Variants in SOAT1 observed in about 807,000 individuals in gnomAD.
The protein encoded by SOAT1 is sterol O-acyltransferase 1.
SOAT1 carries 55 observed loss-of-function variants against 69.5 expected under a neutral mutation model. That is an observed-to-expected ratio of 0.79 (90% CI 0.64 to 0.99). The LOEUF (loss-of-function observed/expected upper bound fraction) is 0.99, where lower values mean the gene tolerates loss of function less well. SOAT1 is among the 50% of genes least tolerant of loss of function. The probability of loss-of-function intolerance (pLI) is 0.00; values close to 1 mark genes in which losing one functional copy is unlikely to be tolerated. For synonymous variants in SOAT1, 231 were observed against 224.7 expected (o/e 1.03, Z -0.25); for missense variants, 580 against 669.3 (o/e 0.87, Z 1.47).
chr1:179,320,890 C>T lies in SOAT1; in HGVS notation c.119-2547C>T, dbSNP rs188796640. Among the ~76,000 whole-genome samples the T allele has an allele frequency of 4.7e-3, 715 of 151,914 alleles. 6 individuals carry two copies. Among genetic ancestry groups the T allele is most frequent in the African/African-American group, 0.016 (673 of 41,448 alleles). ...CAGGGACTACAGGCGCACGCCACCACGGCCTGTCAAATTTTTGTATTTTTT... is the reference window on the plus strand; with the variant it reads ...CAGGGACTACAGGCGCACGCCACCATGGCCTGTCAAATTTTTGTATTTTTT... On this transcript the variant is annotated intron_variant, in intron 2 of 15. Coordinates refer to ENST00000367619, the MANE Select transcript of SOAT1 (RefSeq NM_003101.6).
In SOAT1 at chr1:179,325,431, C is replaced by T. The variant is rs537616574; in HGVS notation, c.177+1936C>T. On this transcript the variant is annotated intron_variant, in intron 3 of 15. Transcript: ENST00000367619. ...CCTCCCAAAGTTCTGGGATTACAGG[C>T]GTGAGCTACCACGCTCGGCCTAAAA... is the stretch of plus-strand genomic sequence containing the variant. 9.2e-5 allele frequency among the ~76,000 whole-genome samples: 14 copies of T among 152,228 alleles called. No individual in the cohort carries two copies. The Middle Eastern group carries it at 0.01, about 111-fold the overall frequency.
intron 2 of SOAT1, among the ~76,000 whole-genome samples, chr1:179,303,146 T>G (rs183863293): frequency 6.6e-6 from 1 of 152,274 alleles, no homozygotes; most frequent in East Asian, 1.9e-4. Context: ...ACCTCCAAAA[T>G]CATACACATA....
intron 11 of SOAT1, among the ~76,000 whole-genome samples, chr1:179,347,376 C>T (rs578198230): frequency 9.2e-6 from 1 of 108,590 alleles, no homozygotes; most frequent in African/African-American, 3.5e-5. Context: ...AAAAAAAAAA[C>T]CAGACTGGGT....
intron 1 of SOAT1, among the ~76,000 whole-genome samples, chr1:179,300,203 A>G (rs1309798758): frequency 6.6e-6 from 1 of 151,316 alleles, no homozygotes; most frequent in African/African-American, 2.4e-5. Flanking sequence ...TATTCCTTGT[A>G]AAATTCCTCT....
chr1:179,323,558 C>T, intron 3 of SOAT1, 63 bp downstream of exon 3: 1 of 1,317,736 alleles, frequency 7.6e-7, no homozygotes, highest in Non-Finnish European at 1.1e-6. Flanking sequence ...TGTTTGGTAA[C>T]ATTTTTAATG....
rs201110357 is a variant in SOAT1, at chr1:179,353,059, T to A, written c.1597-526T>A. Among the ~76,000 whole-genome samples, 18 of 146,088 alleles carry A rather than the reference T, an allele frequency of 1.2e-4. No individual in the cohort carries two copies. The East Asian group carries it at 3.0e-3, about 24-fold the overall frequency. ...ATTTTAAACCTTGTATTAGTCATTT[T>A]TATATATATGTCATTTATGTATATA... On this transcript the variant is annotated intron_variant, in intron 15 of 15. Coordinates refer to ENST00000367619, the MANE Select transcript of SOAT1 (RefSeq NM_003101.6).
chr1:179,340,231 G>A lies in SOAT1; in HGVS notation c.497+686G>A, dbSNP rs571438190. 1.2e-4 allele frequency among the ~76,000 whole-genome samples: 19 copies of A among 152,252 alleles called. No homozygotes were observed. In the South Asian group the frequency reaches 3.7e-3, roughly 30 times the overall value. On this transcript the variant is annotated intron_variant, in intron 6 of 15. Coordinates refer to ENST00000367619, the MANE Select transcript of SOAT1 (RefSeq NM_003101.6). ...AATTATAGGCCAGGCATGGTTGCTT[G>A]TGCCTGTAATCTCAGCACTTTGGGA...
At position 179,358,303 on chromosome 1, in the gene SOAT1, T is replaced by C. The variant is rs1157120294; in HGVS notation, c.*4662T>C. ...AGTGCTCTCTTCCTTATTTCTACATTACTACATTCACATTTCTGCTGTCAA... is the reference window on the plus strand; with the variant it reads ...AGTGCTCTCTTCCTTATTTCTACATCACTACATTCACATTTCTGCTGTCAA... On this transcript the variant is annotated 3_prime_UTR_variant, in exon 16 of 16. Transcript: ENST00000367619. 1 of 152,218 alleles carries C rather than the reference T, an allele frequency of 6.6e-6. No homozygotes were observed. Among genetic ancestry groups the C allele is most frequent in the Non-Finnish European group, 1.5e-5 (1 of 68,030 alleles). 9.4% of individuals were successfully genotyped at this position (152,218 alleles called of 1,614,324 possible).
chr1:179,307,396 A>G (rs1387862327), intron 2 of SOAT1, among the ~76,000 whole-genome samples: 1 of 152,176 alleles, frequency 6.6e-6, no homozygotes, highest in African/African-American at 2.4e-5. Context: ...AGCATTCTGG[A>G]TGCTTAATAG....
intron 2 of SOAT1, among the ~76,000 whole-genome samples, chr1:179,303,951 C>T (rs953067855): frequency 3.3e-5 from 5 of 152,186 alleles, no homozygotes; most frequent in African/African-American, 1.2e-4. Flanking sequence ...TGTATATGAT[C>T]ATTCTCTTTA....
At chr1:179,350,862 T>C (rs1440800510) in intron 14 of SOAT1, among the ~76,000 whole-genome samples, 1 of 152,162 alleles carries the variant, frequency 6.6e-6, no homozygotes, top group Non-Finnish European at 1.5e-5. Context: ...TGTAAGTTAC[T>C]GATTTTAACA....
At chr1:179,296,740 CT>C (rs1664661272) in intron 1 of SOAT1, among the ~76,000 whole-genome samples, 1 of 152,130 alleles carries the variant, frequency 6.6e-6, no homozygotes, top group South Asian at 2.1e-4. Context: ...TGGCAAAGTT[CT>C]TTACCTGGAG....
chr1:179,329,111 G>A (rs1665885739), intron 3 of SOAT1, among the ~76,000 whole-genome samples: 1 of 150,686 alleles, frequency 6.6e-6, no homozygotes, highest in Admixed American at 6.6e-5. Flanking sequence ...TTCAAATATT[G>A]TTTTTTCACA....
At chr1:179,299,020 A>G (rs1324590495) in intron 1 of SOAT1, among the ~76,000 whole-genome samples, 1 of 152,196 alleles carries the variant, frequency 6.6e-6, no homozygotes, top group Non-Finnish European at 1.5e-5. Context: ...AGAAAATACT[A>G]TGTAATCCCT....
At chr1:179,326,114 T>C (rs1665781745) in intron 3 of SOAT1, among the ~76,000 whole-genome samples, 1 of 152,196 alleles carries the variant, frequency 6.6e-6, no homozygotes, top group Non-Finnish European at 1.5e-5. Flanking sequence ...TTTAGGGCAC[T>C]TGATGGACAT....
intron 13 of SOAT1, among the ~76,000 whole-genome samples, chr1:179,350,086 A>G (rs7525946): frequency 0.45 from 68,965 of 152,058 alleles, 15,771 homozygotes; most frequent in Non-Finnish European, 0.49. Context: ...ATTTTTGAAA[A>G]TAGACTCAGA....
chr1:179,336,502 T>TAAAAAAAAAA (rs1666163229), intron 4 of SOAT1, among the ~76,000 whole-genome samples: 1 of 143,160 alleles, frequency 7.0e-6, no homozygotes. Flanking sequence ...AAATACTGAC[T>TAAAAAAAAAA]AATAAAACAA....
chr1:179,320,469 A>C (rs1393105355), intron 2 of SOAT1, among the ~76,000 whole-genome samples: 1 of 151,326 alleles, frequency 6.6e-6, no homozygotes, highest in Non-Finnish European at 1.5e-5. Flanking sequence ...TTGTATGGCT[A>C]TTCTGTGTTC....
chr1:179,341,784 C>T (rs958116797), intron 7 of SOAT1, among the ~76,000 whole-genome samples: 12 of 152,144 alleles, frequency 7.9e-5, no homozygotes, highest in African/African-American at 4.8e-5. Flanking sequence ...CCGCCTGCCT[C>T]GGCCTCCCAA....
Sources: allele counts gnomAD v4.1 joint callset (sites outside exome capture counted in the v4.1 genomes callset), GRCh38; gene constraint gnomAD v4.1.1; transcripts MANE v1.5; gene names NCBI Gene and HGNC (gene_info 2026-07-23, HGNC 2026-07-21).